ELP3: variants seen among roughly 807,000 people sequenced by gnomAD.
The protein encoded by ELP3 is elongator complex protein 3.
A neutral mutation model predicts 74.9 loss-of-function variants in ELP3; 56 were observed. The ratio of observed to expected loss-of-function variants is 0.75; its 90% CI spans 0.60 to 0.93. The LOEUF (loss-of-function observed/expected upper bound fraction) is 0.93. Ranked by LOEUF, ELP3 falls within the 40% of genes least tolerant of loss-of-function variation. ELP3 has a pLI of 0.00. For synonymous variants in ELP3, 222 were observed against 239.8 expected, an observed-to-expected ratio of 0.93 and a Z score of 0.68; for missense variants, 573 against 686.5, an observed-to-expected ratio of 0.83 and a Z score of 1.85.
intron 10 of ELP3, among the ~76,000 whole-genome samples, chr8:28,138,262 T>C (rs1255425486): frequency 6.6e-6 from 1 of 152,168 alleles, no homozygotes; most frequent in Admixed American, 6.5e-5. Context: ...ATCTCTGTTC[T>C]AGAGCCTCTG....
At position 28,142,884 on chromosome 8, in the gene ELP3, T is replaced by A. The variant is rs182499098; in HGVS notation, c.1100+4993T>A. On this transcript the variant is annotated intron_variant, in intron 10 of 14. Transcript: ENST00000256398. ...AATTCATTTTTTTTTTAACGTACCTTACTGTGGACTGAGGTTCAGTAAAGC... is the reference window on the plus strand; with the variant it reads ...AATTCATTTTTTTTTTAACGTACCTAACTGTGGACTGAGGTTCAGTAAAGC... Among the ~76,000 whole-genome samples, 903 of 152,288 alleles carry A rather than the reference T, an allele frequency of 5.9e-3. 12 individuals carry two copies. The highest frequency in any genetic ancestry group is 0.02 in the African/African-American group (841 of 41,550).
intron 7 of ELP3, among the ~76,000 whole-genome samples, chr8:28,121,594 A>G (rs1329401996): frequency 6.6e-6 from 1 of 152,146 alleles, no homozygotes; most frequent in East Asian, 1.9e-4. Context: ...TGCTGGGATT[A>G]CAGGTGTGAG....
intron 13 of ELP3, among the ~76,000 whole-genome samples, chr8:28,160,756 G>A (rs1405500888): frequency 4.7e-5 from 7 of 150,066 alleles, no homozygotes; most frequent in Middle Eastern, 3.2e-3. Context: ...GTGCAGTGGC[G>A]TGATCTTGGC....
Position 28,137,715 on chromosome 8 carries a change from T to C in ELP3, c.924T>C (p.Pro308=). 6.2e-7 allele frequency: 1 copy of C among 1,613,354 alleles called. No homozygotes were observed. Among genetic ancestry groups the C allele is most frequent in the Non-Finnish European group, 8.5e-7 (1 of 1,179,808 alleles). The change falls in exon 10 of 15, where the codon CCT becomes CCC. Residue 308 remains proline (P), a synonymous_variant. Transcript: ENST00000256398. ...IEQFTEFFEN[P]AFRPDGLKLY... ...ATTCACAGGAGTTTTTTGAGAACCC[T>C]GCTTTTCGTCCCGATGGGCTGAAAC... is the stretch of plus-strand genomic sequence containing the variant.
At chr8:28,146,821 G>A (rs1044506086) in intron 10 of ELP3, among the ~76,000 whole-genome samples, 1 of 152,108 alleles carries the variant, frequency 6.6e-6, no homozygotes, top group Non-Finnish European at 1.5e-5. Context: ...TGGTATACTC[G>A]CAGCACGATA....
intron 5 of ELP3, among the ~76,000 whole-genome samples, chr8:28,109,836 C>T (rs964540913): frequency 2.0e-5 from 3 of 152,198 alleles, no homozygotes; most frequent in African/African-American, 7.2e-5. Flanking sequence ...ATTAGGGATG[C>T]TCAACCTGGA....
At chr8:28,151,506 A>G (rs984566944) in intron 10 of ELP3, among the ~76,000 whole-genome samples, 1 of 152,032 alleles carries the variant, frequency 6.6e-6, no homozygotes, top group Non-Finnish European at 1.5e-5. Context: ...TTTTTTCTTC[A>G]TAGTCGGACA....
At chr8:28,151,974 C>CA (rs1813658206) in intron 10 of ELP3, among the ~76,000 whole-genome samples, 1 of 152,168 alleles carries the variant, frequency 6.6e-6, no homozygotes. Flanking sequence ...TCTGAGCCTC[C>CA]AGCAGTTCAT....
At chr8:28,171,291 C>T (rs1032121214) in intron 14 of ELP3, among the ~76,000 whole-genome samples, 1 of 152,110 alleles carries the variant, frequency 6.6e-6, no homozygotes, top group African/African-American at 2.4e-5. Flanking sequence ...GTTTTTCATT[C>T]CCACCCACAG....
chr8:28,117,365 T>A (rs1326195499), intron 7 of ELP3, among the ~76,000 whole-genome samples: 1 of 152,174 alleles, frequency 6.6e-6, no homozygotes, highest in African/African-American at 2.4e-5. Context: ...AATGTAAGTT[T>A]TCCATCATTG....
chr8:28,093,107 C>A, upstream of ELP3: 9 of 1,552,826 alleles, frequency 5.8e-6, no homozygotes, highest in Non-Finnish European at 7.9e-6. Flanking sequence ...GATACATTGA[C>A]CGACATTTTA....
At chr8:28,160,863 T>C (rs1195520653) in intron 13 of ELP3, among the ~76,000 whole-genome samples, 1 of 152,056 alleles carries the variant, frequency 6.6e-6, no homozygotes, top group African/African-American at 2.4e-5. Context: ...CCTGACTAAT[T>C]TTTGTATTTT....
Position 28,110,378 on chromosome 8 carries a change from C to T in ELP3, c.402C>T (p.Ser134=), listed in dbSNP as rs766501707. 6.2e-7 allele frequency: 1 copy of T among 1,613,614 alleles called. No homozygotes were observed. The part of the protein sequence containing the change: ...TQSYTGYEPT[S]MRAIRARYDP... ...ATATTTTTCTCTTCTAGCCAACCTC[C>T]ATGAGAGCTATCCGTGCCAGATATG... is the stretch of plus-strand genomic sequence containing the variant. Residue 134 remains serine, a synonymous_variant, in exon 6 of 15, where the codon TCC becomes TCT. Coordinates refer to ENST00000256398, the MANE Select transcript of ELP3 (RefSeq NM_018091.6).
chr8:28,108,075 GTTTTTGTT>G, intron 5 of ELP3, 99 bp downstream of exon 5: 1 of 1,043,430 alleles, frequency 9.6e-7, no homozygotes, highest in South Asian at 1.6e-5. Flanking sequence ...TTTTGTTTTT[GTTTTTGTT>G]TTTTTCTGAT....
chr8:28,125,243 T>A (rs1473009291), intron 7 of ELP3, among the ~76,000 whole-genome samples: 3 of 152,198 alleles, frequency 2.0e-5, no homozygotes, highest in Admixed American at 2.0e-4. Flanking sequence ...GAGAAGAGAT[T>A]GTATGTTGTG....
rs1411718938 is a variant in ELP3, at chr8:28,190,300, G to A, written c.*575G>A. ...GCAGTGTGACTGGGAAAGAGGAATT[G>A]CAGTTGTGGGGGTGTGAGCCTGGCA... On this transcript the variant is annotated 3_prime_UTR_variant, in exon 15 of 15. Coordinates refer to ENST00000256398, the MANE Select transcript of ELP3 (RefSeq NM_018091.6). 1 of 152,300 alleles carries A rather than the reference G, an allele frequency of 6.6e-6. No homozygotes were observed. The highest frequency in any genetic ancestry group is 1.5e-5 in the Non-Finnish European group (1 of 68,076). 9.4% of individuals were successfully genotyped at this position (152,300 alleles called of 1,614,324 possible). A position where few individuals can be genotyped will look rare whatever the true frequency, so the allele number is the denominator to read the frequency against.
chr8:28,110,521 CT>C, intron 6 of ELP3, 83 bp downstream of exon 6: 2 of 1,186,302 alleles, frequency 1.7e-6, no homozygotes, highest in Non-Finnish European at 2.4e-6. Context: ...CAAATTGAAC[CT>C]GAAATAAGAA....
intron 3 of ELP3, among the ~76,000 whole-genome samples, chr8:28,102,786 CTG>C (rs1480255232): frequency 6.6e-6 from 1 of 152,208 alleles, no homozygotes; most frequent in Non-Finnish European, 1.5e-5. Flanking sequence ...AGAATACACT[CTG>C]TGTTCTACAT....
intron 10 of ELP3, among the ~76,000 whole-genome samples, 153 bp downstream of exon 10, chr8:28,138,044 AT>A (rs1813064210): frequency 6.6e-6 from 1 of 152,188 alleles, no homozygotes. Context: ...AGGGATGGAA[AT>A]CATAGCATGT....
Sources: allele counts gnomAD v4.1 joint callset (sites outside exome capture counted in the v4.1 genomes callset), GRCh38; gene constraint gnomAD v4.1.1; transcripts MANE v1.5; gene names NCBI Gene and HGNC (gene_info 2026-07-23, HGNC 2026-07-21).